DMD: variants seen among roughly 807,000 people sequenced by gnomAD.
DMD encodes the protein dystrophin, also known as mutant dystrophin.
Under a neutral mutation model 330.1 loss-of-function variants are expected in DMD, and 63 were observed. The observed-to-expected ratio is 0.19, with a 90% CI of 0.16 to 0.24. The LOEUF is 0.24. Among genes scored for constraint, DMD ranks in the 10% least tolerant of loss-of-function variants. DMD has a pLI of 1.00. For synonymous variants in DMD, 1,223 were observed against 959.8 expected, an observed-to-expected ratio of 1.27 and a Z score of -5.07; for missense variants, 3,344 against 2,684.1, an observed-to-expected ratio of 1.25 and a Z score of -5.43.
chrX:32,565,172 C>A (rs1041552982), intron 16 of DMD, among the ~76,000 whole-genome samples: 1 of 111,483 alleles, frequency 9.0e-6, no homozygotes, highest in South Asian at 3.8e-4. Flanking sequence ...AACTAAGCCA[C>A]ATTCATAATT....
At chrX:31,181,489 G>C (rs1039607852) in intron 68 of DMD, among the ~76,000 whole-genome samples, 3 of 111,478 alleles carry the variant, frequency 2.7e-5, no homozygotes, top group Non-Finnish European at 5.6e-5. Flanking sequence ...AGGAAGCAGA[G>C]AAAAGGTAGC....
intron 7 of DMD, among the ~76,000 whole-genome samples, chrX:32,720,844 T>A (rs1297932294): frequency 9.0e-6 from 1 of 111,693 alleles, no homozygotes; most frequent in Non-Finnish European, 1.9e-5. Flanking sequence ...CCCACATAAC[T>A]GCAAGTTTCC....
intron 2 of DMD, among the ~76,000 whole-genome samples, chrX:33,012,583 C>A (rs1215472096): frequency 9.0e-6 from 1 of 111,377 alleles, no homozygotes; most frequent in African/African-American, 3.3e-5. Context: ...GATATTTTGA[C>A]CTTATAATAG....
At chrX:32,479,229 A>G (rs1033973346) in intron 21 of DMD, among the ~76,000 whole-genome samples, 5 of 111,516 alleles carry the variant, frequency 4.5e-5, no homozygotes, top group African/African-American at 1.6e-4. Flanking sequence ...ATTGTAAAAT[A>G]TTCACTCAGG....
chrX:32,659,703 G>A lies in DMD; in HGVS notation c.961-14551C>T, dbSNP rs762112531. ...CCATTTTACCTTATACTGATATGAG[G>A]ACATTTTTTTTCCTAAGAGAATTAG... On this transcript the variant is annotated intron_variant, in intron 9 of 78. Coordinates refer to ENST00000357033, the MANE Select transcript of DMD (RefSeq NM_004006.3). 9.9e-5 allele frequency among the ~76,000 whole-genome samples: 11 copies of A among 110,909 alleles called. No individual in the cohort carries two copies. In the Admixed American group the frequency reaches 1.1e-3, roughly 11 times the overall value.
chrX:31,558,980 T>A (rs2147828261), intron 55 of DMD, among the ~76,000 whole-genome samples: 1 of 111,808 alleles, frequency 8.9e-6, no homozygotes, highest in Admixed American at 9.5e-5. Context: ...GAGACAAAAT[T>A]ACCACATCAT....
At chrX:32,239,161 G>A (rs764346952) in intron 43 of DMD, among the ~76,000 whole-genome samples, 2 of 111,188 alleles carry the variant, frequency 1.8e-5, no homozygotes, top group East Asian at 2.8e-4. Flanking sequence ...AACGAAAAAG[G>A]TCTCCGTACA....
intron 62 of DMD, among the ~76,000 whole-genome samples, chrX:31,293,910 C>T (rs1038057349): frequency 1.8e-5 from 2 of 111,736 alleles, no homozygotes; most frequent in Non-Finnish European, 3.8e-5. Context: ...AATCCCAGCA[C>T]TTTGGGATGC....
intron 7 of DMD, among the ~76,000 whole-genome samples, chrX:32,759,883 A>G (rs1183351197): frequency 2.9e-5 from 3 of 103,550 alleles, no homozygotes; most frequent in Non-Finnish European, 5.9e-5. Flanking sequence ...AGGCAGGCCC[A>G]TGTGATACAT....
intron 7 of DMD, among the ~76,000 whole-genome samples, chrX:32,721,680 T>A (rs1215660611): frequency 9.0e-6 from 1 of 111,267 alleles, no homozygotes; most frequent in Non-Finnish European, 1.9e-5. Context: ...TTCCAGAAGC[T>A]TTTTAGATTA....
In DMD at chrX:31,126,818, A is replaced by C. The variant is rs2033756686; in HGVS notation, c.11015-145T>G. The C allele has an allele frequency of 3.3e-5, 16 of 488,189 alleles. 1 individual carries two copies. The highest frequency in any genetic ancestry group is 1.1e-5 in the Non-Finnish European group (3 of 284,507). The allele number at this position is 488,189 out of a possible 1,213,427, so 40.2% of individuals were successfully genotyped here. A position where few individuals can be genotyped will look rare whatever the true frequency, so the allele number is the denominator to read the frequency against. ...TTCTCTGCTGGAAAAAAAAAAAAAA[A>C]AAAAAACAGAAACAAAAAACCCAAA... On this transcript the variant is annotated intron_variant, in intron 77 of 78. Coordinates refer to ENST00000357033, the MANE Select transcript of DMD (RefSeq NM_004006.3).
At chrX:31,338,945 A>C (rs929380255) in intron 61 of DMD, among the ~76,000 whole-genome samples, 1 of 4,445 alleles carries the variant, frequency 2.2e-4, no homozygotes, top group African/African-American at 1.5e-3. Context: ...TCTATGCACA[A>C]AAAAAAAAAA....
intron 34 of DMD, among the ~76,000 whole-genome samples, chrX:32,369,271 T>G (rs1364221306): frequency 2.7e-5 from 3 of 111,857 alleles, no homozygotes; most frequent in Non-Finnish European, 5.7e-5. Context: ...TCTAATTTCC[T>G]TATTATAAAA....
At chrX:32,084,855 A>G (rs2096419020) in intron 44 of DMD, among the ~76,000 whole-genome samples, 1 of 110,993 alleles carries the variant, frequency 9.0e-6, no homozygotes, top group African/African-American at 3.3e-5. Flanking sequence ...AGGGCCTTTG[A>G]GTATGGCCTC....
At chrX:33,019,518 T>C (rs1272793332) in intron 2 of DMD, among the ~76,000 whole-genome samples, 1 of 111,512 alleles carries the variant, frequency 9.0e-6, no homozygotes, top group Non-Finnish European at 1.9e-5. Context: ...CCTCCATATA[T>C]TGCATTCCTA....
chrX:32,823,576 AC>A (rs1379340746), intron 4 of DMD, among the ~76,000 whole-genome samples, 189 bp from the exon 5 acceptor site: 3 of 111,814 alleles, frequency 2.7e-5, no homozygotes, highest in African/African-American at 9.7e-5. Context: ...ACAAACAAGC[AC>A]CCCAAATATA....
chrX:32,962,357 T>C (rs2091934433), intron 2 of DMD, among the ~76,000 whole-genome samples: 1 of 112,190 alleles, frequency 8.9e-6, no homozygotes, highest in African/African-American at 3.2e-5. Flanking sequence ...TGTAGATCTA[T>C]ATGCCCTTTC....
intron 1 of DMD, chrX:33,159,221 A>G (rs572152229): frequency 1.4e-4 from 16 of 112,255 alleles, no homozygotes; most frequent in African/African-American, 5.2e-4. Context: ...GAAATTTCAT[A>G]ACTTTTTCAA....
chrX:32,895,027 T>C (rs1052774470), intron 2 of DMD, among the ~76,000 whole-genome samples: 6 of 112,267 alleles, frequency 5.3e-5, no homozygotes, highest in African/African-American at 1.9e-4. Flanking sequence ...CTCCTCCTGA[T>C]ATGTAAACAA....
Sources: gnomAD v4.1 joint callset for allele counts (sites outside exome capture counted in the v4.1 genomes callset) on GRCh38, gnomAD v4.1.1 for gene constraint, MANE v1.5 for transcripts, NCBI Gene and HGNC (gene_info 2026-07-23, HGNC 2026-07-21) for gene names.